Variants in ENAM observed in about 807,000 individuals in gnomAD.
ENAM encodes amelogenesis imperfecta 2, hypocalcification (autosomal dominant).
Under a neutral mutation model 33.6 loss-of-function variants are expected in ENAM, and 21 were observed. The observed-to-expected ratio is 0.63, with a 90% CI of 0.44 to 0.90. The LOEUF is 0.90. Ranked by LOEUF, ENAM falls within the 40% of genes least tolerant of loss-of-function variation. The probability of loss-of-function intolerance (pLI) is 0.00; values close to 1 mark genes in which losing one functional copy is unlikely to be tolerated. For synonymous variants in ENAM, 473 were observed against 468.4 expected (o/e 1.01, Z -0.13); for missense variants, 1,388 against 1,366.9 (o/e 1.02, Z -0.24).
intron 4 of ENAM, 91 bp from the exon 5 acceptor site, chr4:70,632,560 A>G (rs1487790541): frequency 7.0e-5 from 71 of 1,021,268 alleles, no homozygotes; most frequent in Non-Finnish European, 1.1e-4. Context: ...CTAAGGTTAA[A>G]AAAAGAAATT....
intron 5 of ENAM, among the ~76,000 whole-genome samples, 164 bp from the exon 6 acceptor site, chr4:70,634,144 A>G (rs1738390347): frequency 6.6e-6 from 1 of 152,194 alleles, no homozygotes; most frequent in Non-Finnish European, 1.5e-5. Flanking sequence ...CTGTAAGACA[A>G]TGTGTAAGGA....
chr4:70,631,502 T>C lies in ENAM; in HGVS notation c.55-168T>C, dbSNP rs1406035761. Among the ~76,000 whole-genome samples, 6 of 152,236 alleles carry C rather than the reference T, an allele frequency of 3.9e-5. No homozygotes were observed. The East Asian group carries it at 1.2e-3, about 29-fold the overall frequency. ...TTTTGGCAGCTTGAAAAGTACCAGA[T>C]GATAACTATCTAATAGTTTCTTGAC... On this transcript the variant is annotated intron_variant, in intron 2 of 8. Transcript: ENST00000396073.
At chr4:70,638,305 A>G (rs1345164159) in intron 8 of ENAM, among the ~76,000 whole-genome samples, 2 of 152,010 alleles carry the variant, frequency 1.3e-5, no homozygotes, top group Non-Finnish European at 2.9e-5. Flanking sequence ...TTCCAGCTCT[A>G]TGTCATCTAA....
Position 70,637,770 on chromosome 4 carries a change from C to T in ENAM, c.535-20C>T, listed in dbSNP as rs1338771013. On this transcript the variant is annotated intron_variant, in intron 7 of 8. Coordinates refer to ENST00000396073, the MANE Select transcript of ENAM (RefSeq NM_031889.3). ...CGAACGTGGTTTTCTCCTGTGTTCA[C>T]TGTGTTTTTCACTTCTCAGAGGTTA... 6.2e-7 allele frequency: 1 copy of T among 1,609,584 alleles called. No homozygotes were observed. Among genetic ancestry groups the T allele is most frequent in the South Asian group, 1.1e-5 (1 of 91,020 alleles).
chr4:70,641,990 T>C (rs1158575484), intron 8 of ENAM, 25 bp from the exon 9 acceptor site: 1 of 1,574,400 alleles, frequency 6.4e-7, no homozygotes, highest in Non-Finnish European at 8.7e-7. Context: ...AGGGCAATTA[T>C]TGATTTCCAT....
rs570864098 is a variant in ENAM, at chr4:70,642,606, T to C, written c.1180T>C (p.Tyr394His). The C allele has an allele frequency of 5.0e-6, 8 of 1,613,972 alleles. No individual in the cohort carries two copies. In the East Asian group the frequency reaches 1.6e-4, roughly 31 times the overall value. The change falls in exon 9 of 9, where the codon TAT (tyrosine) becomes CAT (histidine). Residue 394 changes from tyrosine (Y) to histidine (H), a missense_variant. Coordinates refer to ENST00000396073, the MANE Select transcript of ENAM (RefSeq NM_031889.3). ...PPTSRGNYPNYAGNPANLRRK... is the reference protein window; with the variant it reads ...PPTSRGNYPNHAGNPANLRRK... ...TACTTCAAGAGGCAATTATCCCAAT[T>C]ATGCAGGAAATCCAGCAAATCTCAG... is the stretch of plus-strand genomic sequence containing the variant.
chr4:70,643,226 C>T lies in ENAM; in HGVS notation c.1800C>T (p.Tyr600=), dbSNP rs1560404731. ...PSHGSRGSVF[Y]PEYNPYDPRE... ...ATGGTTCTAGAGGAAGTGTTTTCTA[C>T]CCTGAATATAACCCATATGATCCCA... is the stretch of plus-strand genomic sequence containing the variant. Residue 600 remains tyrosine (Y), a synonymous_variant, in exon 9 of 9, where the codon TAC becomes TAT. Transcript: ENST00000396073. 1 of 1,613,730 alleles carries T rather than the reference C, an allele frequency of 6.2e-7. No individual in the cohort carries two copies. Among genetic ancestry groups the T allele is most frequent in the Admixed American group, 1.7e-5 (1 of 59,990 alleles).
Position 70,638,862 on chromosome 4 carries a change from G to A in ENAM, c.588+1019G>A, listed in dbSNP as rs555331307. 2.7e-5 allele frequency among the ~76,000 whole-genome samples: 4 copies of A among 149,130 alleles called. No homozygotes were observed. The South Asian group carries it at 6.4e-4, about 24-fold the overall frequency. Reference sequence around the variant, plus strand: ...GGCTGGAGTGCAGTGGCACGATCTCGGCTCACTGCAACCTCCACCTTCTGG... The same window carrying A: ...GGCTGGAGTGCAGTGGCACGATCTCAGCTCACTGCAACCTCCACCTTCTGG... On this transcript the variant is annotated intron_variant, in intron 8 of 8. Transcript: ENST00000396073.
rs1738740594 is a variant in ENAM, at chr4:70,645,600, C to T, written c.*745C>T. ...GTACCACTTATCAACTAATCCCTCT[C>T]CTCTCTGATTCCTTTCTTCCCTTCA... On this transcript the variant is annotated 3_prime_UTR_variant, in exon 9 of 9. Transcript: ENST00000396073. 1 of 152,202 alleles carries T rather than the reference C, an allele frequency of 6.6e-6. No homozygotes were observed. The highest frequency in any genetic ancestry group is 1.5e-5 in the Non-Finnish European group (1 of 68,042). 9.4% of individuals were successfully genotyped at this position (152,202 alleles called of 1,614,324 possible).
At chr4:70,635,262 A>G (rs924908021) in intron 6 of ENAM, among the ~76,000 whole-genome samples, 2 of 152,190 alleles carry the variant, frequency 1.3e-5, no homozygotes, top group African/African-American at 4.8e-5. Context: ...CTGTAATCCC[A>G]GCTATTCAGG....
intron 4 of ENAM, 98 bp from the exon 5 acceptor site, chr4:70,632,553 A>C: frequency 1.1e-6 from 1 of 904,288 alleles, no homozygotes; most frequent in Non-Finnish European, 1.9e-6. Context: ...GGAAGTTCTA[A>C]GGTTAAAAAA....
Position 70,642,160 on chromosome 4 carries a change from A to G in ENAM, c.734A>G (p.Asn245Ser). The G allele has an allele frequency of 6.2e-7, 1 of 1,614,202 alleles. No individual in the cohort carries two copies. The highest frequency in any genetic ancestry group is 8.5e-7 in the Non-Finnish European group (1 of 1,180,026). Residue 245 changes from asparagine to serine, a missense_variant, in exon 9 of 9, where the codon AAT becomes AGT. Physicochemically the swap from Asn to Ser is conservative, Grantham distance 46. Coordinates refer to ENST00000396073, the MANE Select transcript of ENAM (RefSeq NM_031889.3). ...AESPGTEPTA[N>S]STVTETNSTQ... ...AGTCCAGGCACAGAACCCACAGCTA[A>G]TTCAACAGTCACTGAGACGAATTCT...
In ENAM at chr4:70,643,140, A is replaced by G. The variant is rs754341710; in HGVS notation, c.1714A>G (p.Ile572Val). Residue 572 changes from isoleucine (I) to valine (V), a missense_variant, in exon 9 of 9, where the codon ATC becomes GTC. Coordinates refer to ENST00000396073, the MANE Select transcript of ENAM (RefSeq NM_031889.3). ...AGRNTWDHQE[I>V]SPPFKEDPGR... ...AAGAAATACTTGGGACCACCAAGAAATCTCTCCACCTTTTAAGGAAGATCC... is the reference window on the plus strand; with the variant it reads ...AAGAAATACTTGGGACCACCAAGAAGTCTCTCCACCTTTTAAGGAAGATCC... 2.5e-6 allele frequency: 4 copies of G among 1,613,966 alleles called. No individual in the cohort carries two copies. The highest frequency in any genetic ancestry group is 3.4e-6 in the Non-Finnish European group (4 of 1,180,028).
At position 70,642,468 on chromosome 4, in the gene ENAM, C is replaced by G. The variant is rs942199747; in HGVS notation, c.1042C>G (p.Pro348Ala). The G allele has an allele frequency of 2.3e-5, 37 of 1,613,974 alleles. No individual in the cohort carries two copies. Among genetic ancestry groups the G allele is most frequent in the Non-Finnish European group, 3.0e-5 (35 of 1,179,914 alleles). Reference sequence around the variant, plus strand: ...TGTCATGGGGCACAGACAGAATAGGCCTTTTTACAGAAATCAACAAGTTCA... The same window carrying G: ...TGTCATGGGGCACAGACAGAATAGGGCTTTTTACAGAAATCAACAAGTTCA... ...GTVMGHRQNR[P>A]FYRNQQVQRG... The change falls in exon 9 of 9, where the codon CCT becomes GCT. Residue 348 changes from proline (P) to alanine (A), a missense_variant. Physicochemically the swap from Pro to Ala is conservative, Grantham distance 27. Coordinates refer to ENST00000396073, the MANE Select transcript of ENAM (RefSeq NM_031889.3).
intron 5 of ENAM, 113 bp downstream of exon 5, chr4:70,632,805 A>G: frequency 1.2e-6 from 1 of 803,998 alleles, no homozygotes; most frequent in Non-Finnish European, 2.2e-6. Flanking sequence ...AGTATAATGT[A>G]ATCATTACAA....
intron 8 of ENAM, among the ~76,000 whole-genome samples, chr4:70,641,450 C>T (rs924277350): frequency 1.3e-5 from 2 of 149,456 alleles, no homozygotes; most frequent in Admixed American, 6.7e-5. Flanking sequence ...TGCAGTGACA[C>T]GATCTGGGCT....
chr4:70,636,151 A>T (rs570647880), intron 7 of ENAM, among the ~76,000 whole-genome samples: 1 of 152,276 alleles, frequency 6.6e-6, no homozygotes, highest in South Asian at 2.1e-4. Flanking sequence ...TTAATTTTAA[A>T]AGGTTGCACT....
intron 8 of ENAM, among the ~76,000 whole-genome samples, 194 bp from the exon 9 acceptor site, chr4:70,641,821 T>C (rs566701276): frequency 5.3e-5 from 8 of 151,766 alleles, no homozygotes; most frequent in African/African-American, 1.5e-4. Flanking sequence ...CAGAAAAAAA[T>C]ACCAGGAGAG....
chr4:70,644,391 G>A lies in ENAM; in HGVS notation c.2965G>A (p.Asp989Asn), dbSNP rs778971380. 1.9e-6 allele frequency: 3 copies of A among 1,614,142 alleles called. No homozygotes were observed. The Admixed American group carries it at 5.0e-5, about 27-fold the overall frequency. The change falls in exon 9 of 9, where the codon GAT becomes AAT. Residue 989 changes from aspartate to asparagine, a missense_variant. Physicochemically the swap from Asp to Asn is conservative, Grantham distance 23. Coordinates refer to ENST00000396073, the MANE Select transcript of ENAM (RefSeq NM_031889.3). Reference protein sequence around the residue: ...QSKNTPCLKNDLGGDGNNILE... With the variant: ...QSKNTPCLKNNLGGDGNNILE... ...AAAGAATACACCTTGTCTCAAAAAT[G>A]ATCTTGGAGGAGATGGGAACAACAT...
Sources: allele counts gnomAD v4.1 joint callset (sites outside exome capture counted in the v4.1 genomes callset), GRCh38; gene constraint gnomAD v4.1.1; transcripts MANE v1.5; gene names NCBI Gene and HGNC (gene_info 2026-07-23, HGNC 2026-07-21).